ATAD2: variants seen among roughly 807,000 people sequenced by gnomAD.
The protein encoded by ATAD2 is ATPase family AAA domain containing 2, also known as ATPase family AAA domain-containing protein 2.
ATAD2 carries 62 observed loss-of-function variants against 168.9 expected under a neutral mutation model. The observed-to-expected ratio is 0.37, with a 90% confidence interval of 0.30 to 0.45. The LOEUF is 0.45. Among genes scored for constraint, ATAD2 ranks in the 20% least tolerant of loss-of-function variants. The pLI, the probability that ATAD2 is intolerant of heterozygous loss-of-function variation, is 1.00. For synonymous variants in ATAD2, 613 were observed against 571.6 expected (o/e 1.07, Z -1.03); for missense variants, 1,419 against 1,667.8 (o/e 0.85, Z 2.60).
At chr8:123,401,653 C>A in intron 1 of ATAD2, 1 of 831,866 alleles carries the variant, frequency 1.2e-6, no homozygotes, top group East Asian at 2.5e-5. Flanking sequence ...GTGTGCCCAT[C>A]ATAGCCGATG....
At chr8:123,356,247 A>T in intron 13 of ATAD2, 142 bp downstream of exon 13, 1 of 523,060 alleles carries the variant, frequency 1.9e-6, no homozygotes, top group Non-Finnish European at 3.2e-6. Context: ...TTATTTTTGT[A>T]CTATATACTG....
At chr8:123,374,653 C>T (rs1289511619) in intron 2 of ATAD2, among the ~76,000 whole-genome samples, 1 of 152,196 alleles carries the variant, frequency 6.6e-6, no homozygotes, top group Non-Finnish European at 1.5e-5. Context: ...GGAAGCCATA[C>T]AGTCTCCTCT....
chr8:123,327,262 C>T (rs1487693395), intron 25 of ATAD2, among the ~76,000 whole-genome samples: 1 of 152,168 alleles, frequency 6.6e-6, no homozygotes, highest in Non-Finnish European at 1.5e-5. Context: ...AGGATAAGAA[C>T]TCAGACTTCC....
chr8:123,349,296 G>A lies in ATAD2; in HGVS notation c.1795C>T (p.Pro599Ser), dbSNP rs1340516476. Residue 599 changes from proline to serine, a missense_variant, in exon 14 of 28, where the codon CCT becomes TCT. By Grantham distance (74) the Pro-to-Ser change is moderately conservative. Transcript: ENST00000287394. ...CATTAAATTCTTACCTCTTTATCAG[G>A]CAGGCTAAAGAGGAATTCTCTATCA... ...RFDREFLFSL[P>S]DKEARKEILK... 6.2e-7 allele frequency: 1 copy of A among 1,611,864 alleles called. No individual in the cohort carries two copies. The highest frequency in any genetic ancestry group is 8.5e-7 in the Non-Finnish European group (1 of 1,179,450).
At chr8:123,398,083 G>C (rs912330817), upstream of ATAD2, among the ~76,000 whole-genome samples, 3 of 152,056 alleles carry the variant, frequency 2.0e-5, no homozygotes, top group East Asian at 5.8e-4. Flanking sequence ...ACAGAGGTTT[G>C]ACTTATTCCG....
chr8:123,360,872 G>A (rs534805243), intron 9 of ATAD2, among the ~76,000 whole-genome samples: 29 of 149,318 alleles, frequency 1.9e-4, no homozygotes, highest in Non-Finnish European at 3.7e-4. Context: ...ACTACAAGGA[G>A]TTATAAAATG....
upstream of ATAD2, among the ~76,000 whole-genome samples, chr8:123,399,011 C>T (rs1352823541): frequency 6.6e-6 from 1 of 152,046 alleles, no homozygotes; most frequent in Non-Finnish European, 1.5e-5. Context: ...GCCTGTAATC[C>T]CCCCACTTTG....
chr8:123,411,831 A>G (rs1396237953), intron 1 of ATAD2, among the ~76,000 whole-genome samples: 1 of 145,432 alleles, frequency 6.9e-6, no homozygotes, highest in Non-Finnish European at 1.5e-5. Flanking sequence ...TTAGAAACAG[A>G]AAAAAAAAAG....
At chr8:123,342,592 C>T (rs1175426559) in intron 19 of ATAD2, 1 of 152,010 alleles carries the variant, frequency 6.6e-6, no homozygotes, top group Non-Finnish European at 1.5e-5. Flanking sequence ...TATGAGATAT[C>T]CACATAAAGG....
intron 1 of ATAD2, among the ~76,000 whole-genome samples, chr8:123,415,811 T>G (rs1813258000): frequency 6.6e-6 from 1 of 152,194 alleles, no homozygotes; most frequent in Non-Finnish European, 1.5e-5. Context: ...GCCAGGCTCG[T>G]CTCGAACCCC....
At chr8:123,377,592 T>G (rs1829359954) in intron 2 of ATAD2, among the ~76,000 whole-genome samples, 1 of 152,170 alleles carries the variant, frequency 6.6e-6, no homozygotes. Flanking sequence ...AATAAGGGGT[T>G]TTGCTAAAAT....
At chr8:123,345,829 G>C (rs889382020) in intron 18 of ATAD2, among the ~76,000 whole-genome samples, 2 of 152,216 alleles carry the variant, frequency 1.3e-5, no homozygotes, top group Non-Finnish European at 2.9e-5. Flanking sequence ...TGTGAGGTAA[G>C]TAGTATTATC....
chr8:123,377,487 AT>A (rs1274737023), intron 2 of ATAD2, among the ~76,000 whole-genome samples: 2 of 152,234 alleles, frequency 1.3e-5, no homozygotes, highest in African/African-American at 2.4e-5. Flanking sequence ...TCCAACATTA[AT>A]TTTTTTGTAT....
intron 1 of ATAD2, among the ~76,000 whole-genome samples, chr8:123,384,509 C>T (rs1829590770): frequency 6.6e-6 from 1 of 152,198 alleles, no homozygotes; most frequent in African/African-American, 2.4e-5. Flanking sequence ...AGGTAGAAGT[C>T]CAGACTCTCC....
At chr8:123,415,534 A>G (rs542277990) in intron 1 of ATAD2, among the ~76,000 whole-genome samples, 28 of 151,402 alleles carry the variant, frequency 1.8e-4, no homozygotes, top group African/African-American at 6.7e-4. Flanking sequence ...AAGACTGTAA[A>G]GTGTAAAGAC....
At chr8:123,378,427 C>T (rs548839707) in intron 2 of ATAD2, among the ~76,000 whole-genome samples, 6 of 152,150 alleles carry the variant, frequency 3.9e-5, no homozygotes, top group Non-Finnish European at 2.9e-5. Context: ...TCCAGGCCAG[C>T]GCAGTAGCTC....
At chr8:123,389,243 T>C (rs1421943538) in intron 1 of ATAD2, among the ~76,000 whole-genome samples, 1 of 147,178 alleles carries the variant, frequency 6.8e-6, no homozygotes, top group African/African-American at 2.5e-5. Flanking sequence ...CCCAAAGTGC[T>C]GGGATTACAG....
At chr8:123,331,940 T>C (rs181049900) in intron 24 of ATAD2, among the ~76,000 whole-genome samples, 5 of 152,370 alleles carry the variant, frequency 3.3e-5, no homozygotes, top group Non-Finnish European at 5.9e-5. Flanking sequence ...TTATGTACTA[T>C]AGTAAATTTT....
chr8:123,395,369 C>T (rs1050910539), intron 1 of ATAD2, among the ~76,000 whole-genome samples: 3 of 152,248 alleles, frequency 2.0e-5, no homozygotes, highest in East Asian at 1.9e-4. Flanking sequence ...CTGCAAAAAC[C>T]GTCACTGCAC....
Sources: allele counts gnomAD v4.1 joint callset (sites outside exome capture counted in the v4.1 genomes callset), GRCh38; gene constraint gnomAD v4.1.1; transcripts MANE v1.5; gene names NCBI Gene and HGNC (gene_info 2026-07-23, HGNC 2026-07-21).